FDFT1: variants seen among roughly 807,000 people sequenced by gnomAD.
The protein encoded by FDFT1 is farnesyl-diphosphate farnesyltransferase 1.
A neutral mutation model predicts 46.8 loss-of-function variants in FDFT1; 68 were observed. The ratio of observed to expected loss-of-function variants is 1.45; its 90% confidence interval spans 1.19 to 1.78. FDFT1 has a LOEUF of 1.78. Among genes scored for constraint, FDFT1 ranks in the 40% most tolerant of loss-of-function variants. The pLI is 0.00. For missense variants in FDFT1, 928 were observed against 524.4 expected, an observed-to-expected ratio of 1.77 and a Z score of -7.52; for synonymous variants, 351 against 185.1, an observed-to-expected ratio of 1.90 and a Z score of -7.28.
At chr8:11,809,030 A>T in intron 2 of FDFT1, 139 bp downstream of exon 2, 1 of 1,379,538 alleles carries the variant, frequency 7.2e-7, no homozygotes, top group African/African-American at 1.5e-5. Flanking sequence ...GCCCGGCCCT[A>T]CGTGTTTACT....
At chr8:11,812,141 A>G (rs1182979196) in intron 3 of FDFT1, among the ~76,000 whole-genome samples, 2 of 151,860 alleles carry the variant, frequency 1.3e-5, no homozygotes, top group Non-Finnish European at 2.9e-5. Context: ...AGGCCCCCTC[A>G]CTCCCAAAGG....
chr8:11,820,416 C>T (rs775311315), intron 3 of FDFT1, among the ~76,000 whole-genome samples: 13 of 152,200 alleles, frequency 8.5e-5, no homozygotes, highest in South Asian at 2.1e-4. Flanking sequence ...CTGCAGAAGC[C>T]GTCTGCTGCC....
intron 3 of FDFT1, among the ~76,000 whole-genome samples, chr8:11,810,672 C>T (rs1193945817): frequency 6.6e-6 from 1 of 152,094 alleles, no homozygotes; most frequent in Non-Finnish European, 1.5e-5. Context: ...TCCTACTATC[C>T]TAGAATTCGC....
Position 11,838,556 on chromosome 8 carries a change from C to T in FDFT1, c.1201C>T (p.Leu401=), listed in dbSNP as rs1811879102. ...TTTGGCTGCCCTGAGCTGGCAGTACCTGACCACTCTCTCCCAGGTAACAGA... is the reference window on the plus strand; with the variant it reads ...TTTGGCTGCCCTGAGCTGGCAGTACTTGACCACTCTCTCCCAGGTAACAGA... ...MLLAALSWQY[L]TTLSQVTEDY... is the part of the protein sequence containing the mutation. The change falls in exon 8 of 8, where the codon CTG becomes TTG. Residue 401 remains leucine (L), a synonymous_variant. Coordinates refer to ENST00000220584, the MANE Select transcript of FDFT1 (RefSeq NM_004462.5). 4 of 1,613,490 alleles carry T rather than the reference C, an allele frequency of 2.5e-6. No individual in the cohort carries two copies. The highest frequency in any genetic ancestry group is 1.7e-5 in the Admixed American group (1 of 59,876).
At chr8:11,831,434 A>G (rs1035659715) in intron 6 of FDFT1, 84 bp from the exon 7 acceptor site, 40 of 1,266,280 alleles carry the variant, frequency 3.2e-5, no homozygotes, top group East Asian at 4.7e-5. Flanking sequence ...TGCCCATTCA[A>G]CAGAAGGTTT....
At position 11,838,823 on chromosome 8, in the gene FDFT1, G is replaced by A. The variant is rs1032425294; in HGVS notation, c.*214G>A. The A allele has an allele frequency of 1.4e-5, 8 of 568,034 alleles. No homozygotes were observed. Among genetic ancestry groups the A allele is most frequent in the Non-Finnish European group, 6.3e-6 (2 of 316,958 alleles). 35.2% of individuals were successfully genotyped at this position (568,034 alleles called of 1,614,324 possible). The stretch of plus-strand genomic sequence containing the variant: ...ATCCCAGCAACCTGTCCTTGTGGGT[G>A]ATGATCACTGTGCTGCTTGTGGCTC... On this transcript the variant is annotated 3_prime_UTR_variant, in exon 8 of 8. Coordinates refer to ENST00000220584, the MANE Select transcript of FDFT1 (RefSeq NM_004462.5).
At chr8:11,822,486 A>G (rs1156262158) in intron 4 of FDFT1, among the ~76,000 whole-genome samples, 1 of 152,232 alleles carries the variant, frequency 6.6e-6, no homozygotes, top group Admixed American at 6.5e-5. Context: ...CTAAGTTAAC[A>G]GCATACAATG....
chr8:11,803,149 G>A, intron 1 of FDFT1: 5 of 1,428,236 alleles, frequency 3.5e-6, no homozygotes, highest in Non-Finnish European at 4.6e-6. Context: ...AGCCGCCCTG[G>A]GCATGAGCGA....
At chr8:11,837,347 C>T (rs900011652) in intron 7 of FDFT1, among the ~76,000 whole-genome samples, 3 of 152,228 alleles carry the variant, frequency 2.0e-5, no homozygotes, top group African/African-American at 7.2e-5. Context: ...CTTCCCACCC[C>T]AGTCCCCAAG....
intron 3 of FDFT1, among the ~76,000 whole-genome samples, chr8:11,814,644 ATT>A (rs1808192469): frequency 6.6e-6 from 1 of 152,242 alleles, no homozygotes; most frequent in Admixed American, 6.5e-5. Context: ...GTAACAATAA[ATT>A]TTAAAAACAT....
intron 1 of FDFT1, chr8:11,808,358 G>T (rs1807163543): frequency 1.6e-6 from 2 of 1,234,670 alleles, no homozygotes; most frequent in Non-Finnish European, 2.0e-6. Flanking sequence ...GGTGCGGAGC[G>T]GGAGGCCGGG....
rs576427338 is a variant in FDFT1, at chr8:11,818,161, A to T, written c.382-3589A>T. Among the ~76,000 whole-genome samples the T allele has an allele frequency of 7.4e-4, 112 of 152,148 alleles. 4 individuals are homozygous for T. The South Asian group carries it at 0.022, about 30-fold the overall frequency. Reference sequence around the variant, plus strand: ...AGCAGGTTGTTCAGTTTCCATGTAGATGTGTGGTTTTGAGTGAGTTTATTA... The same window carrying T: ...AGCAGGTTGTTCAGTTTCCATGTAGTTGTGTGGTTTTGAGTGAGTTTATTA... On this transcript the variant is annotated intron_variant, in intron 3 of 7. Transcript: ENST00000220584.
chr8:11,825,816 C>G (rs1468913277), intron 4 of FDFT1, among the ~76,000 whole-genome samples: 1 of 152,028 alleles, frequency 6.6e-6, no homozygotes, highest in East Asian at 1.9e-4. Context: ...ACATCAAATT[C>G]CCGTCAGCCA....
chr8:11,827,578 C>A (rs1810173771), intron 5 of FDFT1, among the ~76,000 whole-genome samples: 1 of 151,256 alleles, frequency 6.6e-6, no homozygotes, highest in Admixed American at 6.6e-5. Context: ...ATACAGGGTT[C>A]ATATTCCTAA....
rs142385536 is a variant in FDFT1 at position 11,796,930 on chromosome 8, A to G, written c.-94+919A>G. On this transcript the variant is annotated intron_variant, in intron 1 of 7. Coordinates refer to the FDFT1 transcript ENST00000538689. ...TTCCTGCAGAGTAGGGCTGCTCCGC[A>G]GGCAGTGTGCTGAAAGCAGCTCAGG... 7.0e-3 allele frequency among the ~76,000 whole-genome samples: 1,067 copies of G among 152,380 alleles called. 8 individuals are homozygous for G. Among genetic ancestry groups the G allele is most frequent in the Non-Finnish European group, 0.012 (836 of 68,038 alleles).
In FDFT1 at chr8:11,826,223, A is replaced by T; in HGVS notation, c.702+8A>T. The T allele has an allele frequency of 1.3e-6, 2 of 1,507,542 alleles. No individual in the cohort carries two copies. Among genetic ancestry groups the T allele is most frequent in the Middle Eastern group, 1.8e-4 (1 of 5,574 alleles). 93.4% of individuals were successfully genotyped at this position (1,507,542 alleles called of 1,614,324 possible). On this transcript the variant is annotated splice_region_variant and intron_variant, in intron 5 of 7. Transcript: ENST00000220584. ...GAGTTCTGGCCTCAAGAGGTAACAG[A>T]TTCAGGGTATTTTGGGGGAAAATAA...
chr8:11,798,238 T>G (rs1263099244), upstream of FDFT1: 1 of 152,226 alleles, frequency 6.6e-6, no homozygotes, highest in East Asian at 1.9e-4. Flanking sequence ...TTTGGTATTT[T>G]TAGTAGAGAC....
intron 1 of FDFT1, among the ~76,000 whole-genome samples, chr8:11,807,680 A>G (rs1563299116): frequency 1.3e-5 from 2 of 152,214 alleles, no homozygotes. Context: ...TTTTGGAAAA[A>G]CACAGTCCTT....
chr8:11,816,480 C>T (rs58161275), intron 3 of FDFT1, among the ~76,000 whole-genome samples: 8,370 of 152,206 alleles, frequency 0.055, 413 homozygotes, highest in African/African-American at 0.13. Context: ...TTTCACGATA[C>T]TGATTCTTCC....
Sources: allele counts gnomAD v4.1 joint callset (sites outside exome capture counted in the v4.1 genomes callset), GRCh38; gene constraint gnomAD v4.1.1; transcripts MANE v1.5; gene names NCBI Gene and HGNC (gene_info 2026-07-23, HGNC 2026-07-21).